Variants in PRKCB observed in about 807,000 individuals in gnomAD.
PRKCB encodes protein kinase C beta type.
Under a neutral mutation model 81.5 loss-of-function variants are expected in PRKCB, and 13 were observed. The ratio of observed to expected loss-of-function variants is 0.16; its 90% CI spans 0.10 to 0.25. PRKCB has a LOEUF of 0.25. PRKCB is among the 10% of genes least tolerant of loss of function. PRKCB has a pLI of 1.00. For synonymous variants in PRKCB, 335 were observed against 321.4 expected (o/e 1.04, Z -0.45); for missense variants, 509 against 875.7 (o/e 0.58, Z 5.29).
At chr16:24,059,476 AG>A (rs1234235948) in intron 5 of PRKCB, among the ~76,000 whole-genome samples, 1 of 152,002 alleles carries the variant, frequency 6.6e-6, no homozygotes, top group Non-Finnish European at 1.5e-5. Flanking sequence ...TGGATGATAA[AG>A]GGAGACTCCA....
intron 16 of PRKCB, among the ~76,000 whole-genome samples, chr16:24,194,945 T>G (rs956976490): frequency 1.3e-5 from 2 of 152,208 alleles, no homozygotes; most frequent in Admixed American, 1.3e-4. Flanking sequence ...GGCTCATGCC[T>G]GTAATCCCCA....
chr16:23,841,949 C>G (rs1017129142), intron 2 of PRKCB, among the ~76,000 whole-genome samples: 1 of 152,048 alleles, frequency 6.6e-6, no homozygotes, highest in African/African-American at 2.4e-5. Context: ...AGCCACTGAA[C>G]CTGGCCAAAT....
intron 2 of PRKCB, among the ~76,000 whole-genome samples, chr16:23,863,241 CATATAT>C (rs760644771): frequency 4.7e-5 from 4 of 84,538 alleles, no homozygotes; most frequent in East Asian, 4.3e-4. Flanking sequence ...TATATATATA[CATATAT>C]ATACACATAC....
intron 9 of PRKCB, among the ~76,000 whole-genome samples, chr16:24,133,795 A>C (rs1966857153): frequency 6.6e-6 from 1 of 152,178 alleles, no homozygotes; most frequent in South Asian, 2.1e-4. Context: ...GACTTCTCCA[A>C]GAAGGAGGCG....
At chr16:23,852,666 A>G (rs1962494500) in intron 2 of PRKCB, among the ~76,000 whole-genome samples, 1 of 152,218 alleles carries the variant, frequency 6.6e-6, no homozygotes, top group Non-Finnish European at 1.5e-5. Flanking sequence ...AGAGTTTAAG[A>G]AGAATTGATT....
intron 7 of PRKCB, among the ~76,000 whole-genome samples, chr16:24,095,672 C>A (rs1359909688): frequency 1.3e-5 from 2 of 151,812 alleles, no homozygotes; most frequent in African/African-American, 4.8e-5. Flanking sequence ...TTTACAAAGG[C>A]AGTTTAGTTT....
At chr16:24,115,731 G>A (rs1293922138) in intron 8 of PRKCB, among the ~76,000 whole-genome samples, 1 of 151,922 alleles carries the variant, frequency 6.6e-6, no homozygotes. Flanking sequence ...GTTTTGTTTT[G>A]TTTTGTTTTT....
intron 5 of PRKCB, among the ~76,000 whole-genome samples, chr16:24,059,632 A>T (rs1428622539): frequency 6.6e-6 from 1 of 152,050 alleles, no homozygotes; most frequent in Non-Finnish European, 1.5e-5. Flanking sequence ...ACAGCACTGC[A>T]CTCCAGCCTG....
intron 2 of PRKCB, among the ~76,000 whole-genome samples, chr16:23,846,047 T>C (rs1962361573): frequency 6.6e-6 from 1 of 152,242 alleles, no homozygotes; most frequent in Non-Finnish European, 1.5e-5. Flanking sequence ...CCATCTCTGA[T>C]ATATTACAAC....
intron 12 of PRKCB, among the ~76,000 whole-genome samples, chr16:24,178,967 G>C (rs568086785): frequency 6.6e-6 from 1 of 152,198 alleles, no homozygotes; most frequent in Non-Finnish European, 1.5e-5. Flanking sequence ...CTCAAGTGAC[G>C]TTATGAGGGC....
chr16:24,193,021 G>A (rs570946307), intron 16 of PRKCB, among the ~76,000 whole-genome samples: 9 of 151,900 alleles, frequency 5.9e-5, no homozygotes, highest in Admixed American at 2.0e-4. Flanking sequence ...GTGCAGTAGC[G>A]CGATCATAGC....
intron 2 of PRKCB, among the ~76,000 whole-genome samples, chr16:23,985,475 G>A (rs1465536484): frequency 6.6e-6 from 1 of 152,140 alleles, no homozygotes; most frequent in African/African-American, 2.4e-5. Flanking sequence ...GCATAAAAAA[G>A]AATCCCTTAG....
At chr16:23,927,627 G>A (rs925188942) in intron 2 of PRKCB, among the ~76,000 whole-genome samples, 3 of 152,014 alleles carry the variant, frequency 2.0e-5, no homozygotes, top group Admixed American at 6.5e-5. Context: ...ACTTGAGGAC[G>A]CCTGAGTGGT....
chr16:24,164,663 T>C (rs1286138832), intron 10 of PRKCB, among the ~76,000 whole-genome samples: 1 of 152,138 alleles, frequency 6.6e-6, no homozygotes, highest in East Asian at 1.9e-4. Flanking sequence ...GATAGAAATA[T>C]AAGTCAAGAC....
intron 12 of PRKCB, among the ~76,000 whole-genome samples, chr16:24,180,577 T>C (rs902796660): frequency 6.6e-6 from 1 of 152,108 alleles, no homozygotes; most frequent in Admixed American, 6.5e-5. Flanking sequence ...CTTGGCACAG[T>C]TGGCTGTGTA....
At chr16:24,035,702 C>A (rs1347325221) in intron 5 of PRKCB, among the ~76,000 whole-genome samples, 155 bp downstream of exon 5, 2 of 152,098 alleles carry the variant, frequency 1.3e-5, no homozygotes, top group Non-Finnish European at 2.9e-5. Context: ...CATGCCCTGC[C>A]CATGACAGCC....
At chr16:23,942,803 C>T (rs1313779043) in intron 2 of PRKCB, among the ~76,000 whole-genome samples, 1 of 152,190 alleles carries the variant, frequency 6.6e-6, no homozygotes, top group Non-Finnish European at 1.5e-5. Context: ...CCTTAAACTC[C>T]TTTTTGGAAA....
At chr16:23,900,200 G>A (rs912089374) in intron 2 of PRKCB, among the ~76,000 whole-genome samples, 3 of 152,118 alleles carry the variant, frequency 2.0e-5, no homozygotes, top group African/African-American at 7.2e-5. Context: ...AGTCCACAGT[G>A]TCCACAGTGC....
At chr16:23,903,122 C>T (rs114910428) in intron 2 of PRKCB, among the ~76,000 whole-genome samples, 1,780 of 151,608 alleles carry the variant, frequency 0.012, 38 homozygotes, top group African/African-American at 0.04. Flanking sequence ...TGAGCTGCCA[C>T]GCCCAGCCTA....
Sources: gnomAD v4.1 joint callset for allele counts (sites outside exome capture counted in the v4.1 genomes callset) on GRCh38, gnomAD v4.1.1 for gene constraint, MANE v1.5 for transcripts, NCBI Gene and HGNC (gene_info 2026-07-23, HGNC 2026-07-21) for gene names.